The following MICU3 variants were observed in gnomAD, a reference collection of about 807,000 sequenced individuals.
MICU3 encodes the protein mitochondrial calcium uptake 3, also known as calcium uptake protein 3, mitochondrial.
A neutral mutation model predicts 66.5 loss-of-function variants in MICU3; 62 were observed. That is an observed-to-expected ratio of 0.93 (90% CI 0.76 to 1.15). The LOEUF (loss-of-function observed/expected upper bound fraction) is 1.15, where lower values mean the gene tolerates loss of function less well. Ranked by LOEUF, MICU3 falls within the 50% of genes most tolerant of loss-of-function variation. The pLI, the probability that MICU3 is intolerant of heterozygous loss-of-function variation, is 0.00. For missense variants in MICU3, 779 were observed against 664.4 expected, an observed-to-expected ratio of 1.17 and a Z score of -1.90; for synonymous variants, 308 against 240.7, an observed-to-expected ratio of 1.28 and a Z score of -2.59.
chr8:17,107,890 G>GCTACA (rs1313238200), intron 11 of MICU3, among the ~76,000 whole-genome samples: 1 of 152,204 alleles, frequency 6.6e-6, no homozygotes, highest in East Asian at 1.9e-4. Context: ...TATCTTGGCT[G>GCTACA]CTACATAACA....
At chr8:17,046,020 C>G (rs1251162385) in intron 1 of MICU3, among the ~76,000 whole-genome samples, 1 of 152,190 alleles carries the variant, frequency 6.6e-6, no homozygotes, top group Admixed American at 6.5e-5. Flanking sequence ...ATCTCTTCAT[C>G]TGTATGCTTT....
chr8:17,112,712 T>A (rs1802315829), intron 11 of MICU3, among the ~76,000 whole-genome samples: 1 of 152,232 alleles, frequency 6.6e-6, no homozygotes, highest in Non-Finnish European at 1.5e-5. Flanking sequence ...CCCCCCAATA[T>A]ATTGATATTT....
chr8:17,112,668 T>C (rs1321592507), intron 11 of MICU3, among the ~76,000 whole-genome samples: 1 of 152,230 alleles, frequency 6.6e-6, no homozygotes, highest in African/African-American at 2.4e-5. Context: ...TTATAGTCTG[T>C]CATTTTTAAA....
chr8:17,134,124 A>G, the MICU3 span: 11 of 152,278 alleles, frequency 7.2e-5, no homozygotes, highest in African/African-American at 2.2e-4. Flanking sequence ...CTGATTGACA[A>G]TTGTATTATG....
chr8:17,112,594 A>G (rs1802304915), intron 11 of MICU3, among the ~76,000 whole-genome samples: 1 of 152,218 alleles, frequency 6.6e-6, no homozygotes, highest in Non-Finnish European at 1.5e-5. Context: ...TATGTTCTGA[A>G]TTTGACCTCT....
chr8:17,068,223 C>A (rs1299867792), intron 2 of MICU3, among the ~76,000 whole-genome samples: 1 of 151,898 alleles, frequency 6.6e-6, no homozygotes, highest in East Asian at 1.9e-4. Flanking sequence ...TCAGAAAATC[C>A]TTTGAAGAGC....
the MICU3 span, chr8:17,132,086 C>G: frequency 2.0e-5 from 3 of 152,034 alleles, no homozygotes; most frequent in East Asian, 5.8e-4. Context: ...TATTAATTGC[C>G]CTTTAGAATC....
chr8:17,088,910 G>C (rs1390934115), intron 7 of MICU3, among the ~76,000 whole-genome samples: 3 of 151,950 alleles, frequency 2.0e-5, no homozygotes, highest in Non-Finnish European at 4.4e-5. Flanking sequence ...CATTAACTTA[G>C]ATTAATTAGG....
intron 13 of MICU3, among the ~76,000 whole-genome samples, chr8:17,117,538 ATG>A (rs1802800332): frequency 6.6e-6 from 1 of 151,972 alleles, no homozygotes; most frequent in African/African-American, 2.4e-5. Flanking sequence ...AAGAGAAAAA[ATG>A]TTCTGTTAAA....
intron 11 of MICU3, 50 bp downstream of exon 11, chr8:17,105,634 G>C: frequency 8.7e-7 from 1 of 1,147,730 alleles, no homozygotes; most frequent in Non-Finnish European, 1.2e-6. Context: ...TGCAATACGT[G>C]CCTCTAAAAC....
chr8:17,048,212 TAATAA>T (rs1815421312), intron 1 of MICU3, among the ~76,000 whole-genome samples: 1 of 152,304 alleles, frequency 6.6e-6, no homozygotes, highest in East Asian at 1.9e-4. Context: ...TTAAAATATT[TAATAA>T]AATAAAAAGA....
chr8:17,098,320 C>A, intron 8 of MICU3, 138 bp from the exon 9 acceptor site: 1 of 717,124 alleles, frequency 1.4e-6, no homozygotes, highest in Admixed American at 2.1e-5. Flanking sequence ...TGGTGCACAG[C>A]AGAAAACAAA....
intron 11 of MICU3, 143 bp downstream of exon 11, chr8:17,105,727 C>G (rs575649053): frequency 2.3e-6 from 1 of 436,514 alleles, no homozygotes; most frequent in Non-Finnish European, 4.1e-6. Flanking sequence ...CCTAAATGCT[C>G]TGGCTACACT....
chr8:17,133,771 C>T, the MICU3 span, among the ~76,000 whole-genome samples: 3 of 152,030 alleles, frequency 2.0e-5, no homozygotes, highest in Non-Finnish European at 4.4e-5. Context: ...TTTTTGCCAC[C>T]TAATATAATG....
chr8:17,077,705 G>A, intron 3 of MICU3, 78 bp from the exon 4 acceptor site: 2 of 981,446 alleles, frequency 2.0e-6, no homozygotes, highest in Non-Finnish European at 3.1e-6. Flanking sequence ...AATTTGGCAT[G>A]GACATTTAAA....
intron 1 of MICU3, among the ~76,000 whole-genome samples, chr8:17,059,157 T>A (rs1474855495): frequency 6.6e-6 from 1 of 152,222 alleles, no homozygotes; most frequent in African/African-American, 2.4e-5. Flanking sequence ...TCATCCAATA[T>A]AGTTTGAGTT....
chr8:17,071,619 C>G (rs1476350469), intron 3 of MICU3, among the ~76,000 whole-genome samples: 1 of 151,858 alleles, frequency 6.6e-6, no homozygotes, highest in Non-Finnish European at 1.5e-5. Context: ...AGAAGAGGCT[C>G]TAAGGATTAG....
At chr8:17,038,208 G>C (rs950064855) in intron 1 of MICU3, among the ~76,000 whole-genome samples, 2 of 152,130 alleles carry the variant, frequency 1.3e-5, no homozygotes, top group Non-Finnish European at 2.9e-5. Flanking sequence ...GTTTGGCTGT[G>C]TGTCCCACCC....
chr8:17,123,525 A>G (rs1157600197), downstream of MICU3, among the ~76,000 whole-genome samples: 1 of 152,156 alleles, frequency 6.6e-6, no homozygotes, highest in Non-Finnish European at 1.5e-5. Flanking sequence ...CACCTTGCAC[A>G]TTGAAAGGAT....
Sources: allele counts gnomAD v4.1 joint callset (sites outside exome capture counted in the v4.1 genomes callset), GRCh38; gene constraint gnomAD v4.1.1; transcripts MANE v1.5; gene names NCBI Gene and HGNC (gene_info 2026-07-23, HGNC 2026-07-21).